CAPN15: variants seen among roughly 807,000 people sequenced by gnomAD.
CAPN15 encodes the protein calpain-15.
CAPN15 carries 53 observed loss-of-function variants against 97.9 expected under a neutral mutation model. The observed-to-expected ratio is 0.54, with a 90% CI of 0.43 to 0.68. The LOEUF (loss-of-function observed/expected upper bound fraction) is 0.68. Among genes scored for constraint, CAPN15 ranks in the 30% least tolerant of loss-of-function variants. The probability of loss-of-function intolerance (pLI) is 0.00; values close to 1 mark genes in which losing one functional copy is unlikely to be tolerated. For synonymous variants in CAPN15, 922 were observed against 722.5 expected, an observed-to-expected ratio of 1.28 and a Z score of -4.43; for missense variants, 1,592 against 1,589.8, an observed-to-expected ratio of 1.00 and a Z score of -0.02.
intron 3 of CAPN15, chr16:540,014 C>CTG: frequency 1.1e-6 from 1 of 932,868 alleles, no homozygotes; most frequent in South Asian, 4.9e-5. Flanking sequence ...TCCTCCCGGG[C>CTG]TGTGTGTGTG....
At chr16:531,255 C>A (rs1249788393) in intron 1 of CAPN15, among the ~76,000 whole-genome samples, 1 of 152,134 alleles carries the variant, frequency 6.6e-6, no homozygotes, top group African/African-American at 2.4e-5. Flanking sequence ...CGCTGGAGTG[C>A]AGTTGCAATC....
chr16:537,442 G>T (rs937581326), intron 3 of CAPN15: 17 of 985,584 alleles, frequency 1.7e-5, no homozygotes, highest in Non-Finnish European at 1.9e-5. Context: ...GTGGGTGAGT[G>T]CGTGGGTGGG....
chr16:530,736 G>T (rs543791613), intron 1 of CAPN15, among the ~76,000 whole-genome samples: 1 of 152,348 alleles, frequency 6.6e-6, no homozygotes, highest in East Asian at 1.9e-4. Flanking sequence ...ACGGAATGGG[G>T]TCTGTGGGAG....
At chr16:549,540 C>T (rs1378949731) in intron 6 of CAPN15, 69 bp downstream of exon 6, 19 of 926,032 alleles carry the variant, frequency 2.1e-5, no homozygotes, top group Admixed American at 1.0e-4. Context: ...AAAACAAGGC[C>T]GGCTGCTTCC....
rs1422155110 is a variant in CAPN15, at chr16:551,549, T to C, written c.2230T>C (p.Trp744Arg). The change falls in exon 9 of 14, where the codon TGG (tryptophan) becomes CGG (arginine). Residue 744 changes from tryptophan to arginine, a missense_variant. Trp to Arg is a moderately radical substitution (Grantham distance 101). Transcript: ENST00000219611. ...RLRNPWGRFSWNGSWSDEWPH... is the reference protein window; with the variant it reads ...RLRNPWGRFSRNGSWSDEWPH... Reference sequence around the variant, plus strand: ...CCGAAACCCGTGGGGCCGTTTCTCCTGGAACGGCAGCTGGTCCGACGAGTG... The same window carrying C: ...CCGAAACCCGTGGGGCCGTTTCTCCCGGAACGGCAGCTGGTCCGACGAGTG... The C allele has an allele frequency of 2.5e-6, 4 of 1,611,590 alleles. No individual in the cohort carries two copies. The Admixed American group carries it at 6.7e-5, about 27-fold the overall frequency.
chr16:553,778 T>G lies in CAPN15; in HGVS notation c.*262T>G. The G allele has an allele frequency of 1.1e-5, 4 of 349,478 alleles. No individual in the cohort carries two copies. Among genetic ancestry groups the G allele is most frequent in the Non-Finnish European group, 1.6e-5 (3 of 192,282 alleles). The allele number at this position is 349,478 out of a possible 1,614,324, so 21.6% of individuals were successfully genotyped here. ...GGGCTGTGAACCAGCCCCGCTCACC[T>G]GCCAGCCCCAACACCCGACGGGGGC... is the stretch of plus-strand genomic sequence containing the variant. On this transcript the variant is annotated 3_prime_UTR_variant, in exon 14 of 14. Coordinates refer to ENST00000219611, the MANE Select transcript of CAPN15 (RefSeq NM_005632.3).
intron 13 of CAPN15, 113 bp downstream of exon 13, chr16:553,154 C>A (rs2035231898): frequency 2.2e-6 from 1 of 451,496 alleles, no homozygotes; most frequent in Non-Finnish European, 3.8e-6. Context: ...CCCTCCCCTA[C>A]CCCGCTGCAC....
intron 3 of CAPN15, among the ~76,000 whole-genome samples, chr16:540,712 G>T (rs960444947): frequency 2.0e-5 from 3 of 152,182 alleles, no homozygotes; most frequent in Non-Finnish European, 2.9e-5. Flanking sequence ...TGCTGCCCAC[G>T]GTTTCAAAGC....
intron 8 of CAPN15, 30 bp from the exon 9 acceptor site, chr16:551,482 G>C: frequency 6.2e-7 from 1 of 1,602,368 alleles, no homozygotes; most frequent in Non-Finnish European, 8.5e-7. Context: ...CGGGCAGTGT[G>C]GTTCAGATCC....
intron 2 of CAPN15, 46 bp downstream of exon 2, chr16:534,044 C>T (rs896559215): frequency 5.3e-5 from 49 of 927,714 alleles, no homozygotes; most frequent in South Asian, 4.4e-4. Context: ...GGTTTGCTTG[C>T]GCTGCAGAAC....
intron 9 of CAPN15, 90 bp downstream of exon 9, chr16:551,754 C>A: frequency 6.6e-7 from 1 of 1,522,716 alleles, no homozygotes; most frequent in South Asian, 1.2e-5. Flanking sequence ...CTCCTGCTGA[C>A]CTGGGGTGGG....
In CAPN15 at chr16:551,567, G is replaced by A. The variant is rs1224707064; in HGVS notation, c.2248G>A (p.Asp750Asn). ...TTTCTCCTGGAACGGCAGCTGGTCC[G>A]ACGAGTGGCCACACTGGCCGGGGCA... is the stretch of plus-strand genomic sequence containing the variant. ...GRFSWNGSWS[D>N]EWPHWPGHLR... The change falls in exon 9 of 14, where the codon GAC becomes AAC. Residue 750 changes from aspartate to asparagine, a missense_variant. Coordinates refer to ENST00000219611, the MANE Select transcript of CAPN15 (RefSeq NM_005632.3). The A allele has an allele frequency of 8.1e-6, 13 of 1,611,380 alleles. No homozygotes were observed. The highest frequency in any genetic ancestry group is 1.3e-5 in the African/African-American group (1 of 74,926).
intron 1 of CAPN15, 150 bp downstream of exon 1, chr16:528,179 C>T (rs980425408): frequency 3.0e-4 from 46 of 151,192 alleles, no homozygotes; most frequent in African/African-American, 1.0e-3. Flanking sequence ...AGGGCAGGGA[C>T]GGCAGGGCCC....
At chr16:549,230 G>A in intron 5 of CAPN15, 29 bp downstream of exon 5, 1 of 1,514,748 alleles carries the variant, frequency 6.6e-7, no homozygotes, top group Non-Finnish European at 8.9e-7. Context: ...CCGGGGTGGG[G>A]CGGGTGGGCG....
chr16:530,193 C>T (rs1411988394), intron 1 of CAPN15, among the ~76,000 whole-genome samples: 1 of 152,258 alleles, frequency 6.6e-6, no homozygotes, highest in Admixed American at 6.5e-5. Context: ...TAGCTGGTCC[C>T]TGGCTCCCCA....
At chr16:539,729 A>G (rs2033982994) in intron 3 of CAPN15, 1 of 152,418 alleles carries the variant, frequency 6.6e-6, no homozygotes, top group South Asian at 2.1e-4. Context: ...CCTGGCCTGC[A>G]GCAGCTCCCT....
chr16:547,497 C>T lies in CAPN15; in HGVS notation c.659C>T (p.Pro220Leu), dbSNP rs1164229048. ...EANPPATSQG[P>L]AAEPEPPRVP... ...AACCCCCCAGCCACCAGCCAGGGCC[C>T]AGCTGCCGAACCAGAGCCGCCCAGG... Residue 220 changes from proline (P) to leucine (L), a missense_variant, in exon 4 of 14, where the codon CCA becomes CTA. Around this residue, in one of 3 missense-constraint regions of CAPN15, gnomAD observed 883 missense variants for 776.6 expected, o/e 1.14. Transcript: ENST00000219611. The T allele has an allele frequency of 5.0e-6, 8 of 1,597,900 alleles. No homozygotes were observed. Among genetic ancestry groups the T allele is most frequent in the Non-Finnish European group, 4.2e-6 (5 of 1,179,024 alleles).
At chr16:536,454 G>A (rs1260276226) in intron 3 of CAPN15, among the ~76,000 whole-genome samples, 8 of 149,926 alleles carry the variant, frequency 5.3e-5, no homozygotes, top group African/African-American at 1.7e-4. Flanking sequence ...ACGGAGTCTC[G>A]CTCTGTCGCC....
chr16:533,779 C>T (rs2033447481), intron 1 of CAPN15, among the ~76,000 whole-genome samples, 167 bp from the exon 2 acceptor site: 1 of 152,202 alleles, frequency 6.6e-6, no homozygotes, highest in Non-Finnish European at 1.5e-5. Flanking sequence ...CTCGGACAGA[C>T]ACCCAAGGAC....
Sources: allele counts gnomAD v4.1 joint callset (sites outside exome capture counted in the v4.1 genomes callset), GRCh38; gene constraint gnomAD v4.1.1; regional missense constraint gnomAD v4.1.1; transcripts MANE v1.5; gene names NCBI Gene and HGNC (gene_info 2026-07-23, HGNC 2026-07-21).